MIP: variants seen among roughly 807,000 people sequenced by gnomAD.
The protein encoded by MIP is lens fiber major intrinsic protein.
In MIP, 14 loss-of-function variants were observed where a neutral mutation model predicts 21.8. The observed-to-expected ratio is 0.64, with a 90% CI of 0.42 to 1.00. The LOEUF is 1.00. Ranked by LOEUF, MIP falls within the 50% of genes least tolerant of loss-of-function variation. The pLI, the probability that MIP is intolerant of heterozygous loss-of-function variation, is 0.00. For missense variants in MIP, 260 were observed against 333.5 expected (o/e 0.78, Z 1.72); for synonymous variants, 133 against 141.4 (o/e 0.94, Z 0.42).
At position 56,454,404 on chromosome 12, in the gene MIP, T is replaced by C. The variant is rs1176813850; in HGVS notation, c.210A>G (p.Ala70=). Residue 70 remains alanine, a synonymous_variant, in exon 1 of 4, where the codon GCA becomes GCG. Coordinates refer to ENST00000652304, the MANE Select transcript of MIP (RefSeq NM_012064.4). ...AGCCCACAAGGAAAGCAAAAGTGAC[T>C]GCAGGATTGACGTGGGCTCCACTGA... ...GHISGAHVNP[A]VTFAFLVGSQ... 1 of 1,614,134 alleles carries C rather than the reference T, an allele frequency of 6.2e-7. No homozygotes were observed. Among genetic ancestry groups the C allele is most frequent in the African/African-American group, 1.3e-5 (1 of 75,052 alleles).
At position 56,451,061 on chromosome 12, in the gene MIP, G is replaced by A; in HGVS notation, c.*219C>T. On this transcript the variant is annotated 3_prime_UTR_variant, in exon 4 of 4. Coordinates refer to ENST00000652304, the MANE Select transcript of MIP (RefSeq NM_012064.4). ...CAGCACACACGGCGAAGGGTGGTGG[G>A]ATGGGGAGGAAGGGAAGTTTGCACC... The A allele has an allele frequency of 5.3e-6, 3 of 563,388 alleles. No individual in the cohort carries two copies. The highest frequency in any genetic ancestry group is 9.5e-6 in the Non-Finnish European group (3 of 316,282). 34.9% of individuals were successfully genotyped at this position (563,388 alleles called of 1,614,324 possible).
chr12:56,453,958 A>G (rs1328652546), intron 1 of MIP, among the ~76,000 whole-genome samples: 1 of 152,206 alleles, frequency 6.6e-6, no homozygotes, highest in Non-Finnish European at 1.5e-5. Flanking sequence ...AGCCACTTAC[A>G]TGTATGAGGA....
chr12:56,452,892 C>T (rs1868663286), intron 3 of MIP, 180 bp downstream of exon 3: 2 of 655,996 alleles, frequency 3.0e-6, no homozygotes, highest in Non-Finnish European at 5.6e-6. Context: ...AGAGCCTCTC[C>T]TTCTAGCAAA....
In MIP at chr12:56,453,060, C is replaced by G; in HGVS notation, c.606+12G>C. On this transcript the variant is annotated intron_variant, in intron 3 of 3. Coordinates refer to ENST00000652304, the MANE Select transcript of MIP (RefSeq NM_012064.4). ...AAGGGCTTCAGGATCTTGCCCCTCT[C>G]CCTTCACTCACCCAGTGGTTAGTGA... 6.3e-7 allele frequency: 1 copy of G among 1,589,302 alleles called. No individual in the cohort carries two copies. Among genetic ancestry groups the G allele is most frequent in the South Asian group, 1.1e-5 (1 of 90,612 alleles).
chr12:56,455,617 G>A (rs190725141), upstream of MIP, among the ~76,000 whole-genome samples: 64 of 152,234 alleles, frequency 4.2e-4, no homozygotes, highest in East Asian at 9.5e-3. Context: ...GGAAACAGCC[G>A]ATCAAAGAGA....
rs1233545010 is a variant in MIP, at chr12:56,453,165, C to A, written c.526-13G>T. The A allele has an allele frequency of 1.3e-6, 2 of 1,596,866 alleles. No homozygotes were observed. Among genetic ancestry groups the A allele is most frequent in the South Asian group, 2.2e-5 (2 of 90,740 alleles). On this transcript the variant is annotated splice_polypyrimidine_tract_variant and intron_variant, in intron 2 of 3. Coordinates refer to ENST00000652304, the MANE Select transcript of MIP (RefSeq NM_012064.4). ...CAGTATAATACATCTGCAAAAGAGA[C>A]AGTTGTAACTGAGACACCCCCCTAC... is the stretch of plus-strand genomic sequence containing the variant.
At chr12:56,452,579 A>G (rs760400022) in intron 3 of MIP, 2 of 189,726 alleles carry the variant, frequency 1.1e-5, no homozygotes, top group African/African-American at 2.3e-5. Context: ...CTTACTTTAT[A>G]TCAGATTCTG....
At chr12:56,455,241 C>T (rs1868757133), upstream of MIP, among the ~76,000 whole-genome samples, 5 of 152,072 alleles carry the variant, frequency 3.3e-5, no homozygotes, top group South Asian at 1.0e-3. Context: ...AGTTCTGCTG[C>T]GTCTGGCTTT....
chr12:56,452,700 C>T lies in MIP; in HGVS notation c.606+372G>A, dbSNP rs572688111. On this transcript the variant is annotated intron_variant, in intron 3 of 3. Transcript: ENST00000652304. ...ATTTGCCCATGGTCACACACAAAGCCGATAACGTATTAGAACTGGAATGGG... is the reference window on the plus strand; with the variant it reads ...ATTTGCCCATGGTCACACACAAAGCTGATAACGTATTAGAACTGGAATGGG... 3.2e-4 allele frequency: 99 copies of T among 310,056 alleles called. 2 individuals carry two copies. Among genetic ancestry groups the T allele is most frequent in the African/African-American group, 1.8e-3 (86 of 46,746 alleles). 19.2% of individuals were successfully genotyped at this position (310,056 alleles called of 1,614,324 possible).
chr12:56,454,704 C>A, upstream of MIP: 1 of 1,540,690 alleles, frequency 6.5e-7, no homozygotes, highest in Non-Finnish European at 8.9e-7. Flanking sequence ...CTCTTAATCC[C>A]TGGGAGGGGC....
chr12:56,451,173 A>G lies in MIP; in HGVS notation c.*107T>C. ...CAACCACATACATAAGTTAAAAAAT[A>G]AAGAAGTACATGACCCTCCCCACAG... On this transcript the variant is annotated 3_prime_UTR_variant, in exon 4 of 4. Coordinates refer to ENST00000652304, the MANE Select transcript of MIP (RefSeq NM_012064.4). 2 of 910,316 alleles carry G rather than the reference A, an allele frequency of 2.2e-6. No homozygotes were observed. The highest frequency in any genetic ancestry group is 1.7e-6 in the Non-Finnish European group (1 of 579,220). The allele number at this position is 910,316 out of a possible 1,614,324, so 56.4% of individuals were successfully genotyped here. A position where few individuals can be genotyped will look rare whatever the true frequency, so the allele number is the denominator to read the frequency against.
rs761428273 is a variant in MIP at position 56,454,511 on chromosome 12, C to T, written c.103G>A (p.Ala35Thr). The T allele has an allele frequency of 1.9e-6, 3 of 1,612,956 alleles. No homozygotes were observed. Among genetic ancestry groups the T allele is most frequent in the Non-Finnish European group, 8.5e-7 (1 of 1,179,316 alleles). ...FFGLGSSLRW[A>T]PGPLHVLQVA... ...TGCAGAACATGCAGGGGTCCAGGAGCCCAGCGCAGTGAGGACCCCAGCCCA... is the reference window on the plus strand; with the variant it reads ...TGCAGAACATGCAGGGGTCCAGGAGTCCAGCGCAGTGAGGACCCCAGCCCA... Residue 35 changes from alanine (A) to threonine (T), a missense_variant, in exon 1 of 4, where the codon GCT (alanine) becomes ACT (threonine). By Grantham distance (58) the Ala-to-Thr change is moderately conservative. Coordinates refer to ENST00000652304, the MANE Select transcript of MIP (RefSeq NM_012064.4).
intron 1 of MIP, 105 bp from the exon 2 acceptor site, chr12:56,453,860 G>T: frequency 8.5e-7 from 1 of 1,173,384 alleles, no homozygotes. Context: ...GGTCCGTGGA[G>T]AGGAAGGATA....
rs999369668 is a variant in MIP, at chr12:56,449,850, C to T, written c.*1430G>A. 8.5e-5 allele frequency: 13 copies of T among 152,078 alleles called. No homozygotes were observed. Among genetic ancestry groups the T allele is most frequent in the African/African-American group, 3.1e-4 (13 of 41,400 alleles). The allele number at this position is 152,078 out of a possible 1,614,324, so 9.4% of individuals were successfully genotyped here. ...TGAACAGTTGAGGGTCTCTTCTGGC[C>T]TCTGCTGAGATGATCTTGCCAAAAG... On this transcript the variant is annotated 3_prime_UTR_variant, in exon 4 of 4. Transcript: ENST00000652304.
rs1487063017 is a variant in MIP, at chr12:56,451,261, C to G, written c.*19G>C. The stretch of plus-strand genomic sequence containing the variant: ...CGTAAACTCAGAAGCTTTCTACTCC[C>G]TCTATTCAGCTGGAGCTTCTACAGG... On this transcript the variant is annotated 3_prime_UTR_variant, in exon 4 of 4. Coordinates refer to ENST00000652304, the MANE Select transcript of MIP (RefSeq NM_012064.4). 1 of 1,612,236 alleles carries G rather than the reference C, an allele frequency of 6.2e-7. No homozygotes were observed. The highest frequency in any genetic ancestry group is 2.2e-5 in the East Asian group (1 of 44,884).
upstream of MIP, among the ~76,000 whole-genome samples, chr12:56,454,884 G>A (rs1868747751): frequency 1.3e-5 from 2 of 152,166 alleles, no homozygotes; most frequent in African/African-American, 4.8e-5. Flanking sequence ...GAGAGACTAC[G>A]AGAAGTGGGG....
rs1447480953 is a variant in MIP at position 56,454,260 on chromosome 12, G to C, written c.354C>G (p.Leu118=). The change falls in exon 1 of 4, where the codon CTC becomes CTG. Residue 118 remains leucine (L), a synonymous_variant. Transcript: ENST00000652304. Reference sequence around the variant, plus strand: ...CCTCTCAGCCAACCATTACCGTGTTGAGTGCTAGGTTTCCTCGGACAGCAG... The same window carrying C: ...CCTCTCAGCCAACCATTACCGTGTTCAGTGCTAGGTTTCCTCGGACAGCAG... ...TPPAVRGNLA[L]NTLHPAVSVG... 6 of 1,613,960 alleles carry C rather than the reference G, an allele frequency of 3.7e-6. No homozygotes were observed. Among genetic ancestry groups the C allele is most frequent in the Non-Finnish European group, 5.1e-6 (6 of 1,180,032 alleles).
In MIP at chr12:56,453,090, C is replaced by A. The variant is rs761005202; in HGVS notation, c.588G>T (p.Gly196=). Residue 196 remains glycine (G), a synonymous_variant, in exon 3 of 4, where the codon GGG becomes GGT. Transcript: ENST00000652304. ...CACTCACCCAGTGGTTAGTGAAGTT[C>A]CCAGTGAGAATGGCAGGAGCAAAGG... ...ARSFAPAILT[G]NFTNHWVYWV... 2 of 1,612,606 alleles carry A rather than the reference C, an allele frequency of 1.2e-6. No individual in the cohort carries two copies. Among genetic ancestry groups the A allele is most frequent in the South Asian group, 1.1e-5 (1 of 91,048 alleles).
chr12:56,453,641 A>G lies in MIP; in HGVS notation c.475T>C (p.Ser159Pro), dbSNP rs1291876973. ...YDERRNGQLG[S>P]VALAVGFSLA... is the part of the protein sequence containing the mutation. The stretch of plus-strand genomic sequence containing the variant: ...GAGAAGCCAACGGCCAGGGCCACGG[A>G]GCCCAGTTGGCCATTCCGCCTCTCG... The change falls in exon 2 of 4, where the codon TCC (serine) becomes CCC (proline). Residue 159 changes from serine to proline, a missense_variant. By Grantham distance (74) the Ser-to-Pro change is moderately conservative. Coordinates refer to ENST00000652304, the MANE Select transcript of MIP (RefSeq NM_012064.4). 1 of 1,614,120 alleles carries G rather than the reference A, an allele frequency of 6.2e-7. No individual in the cohort carries two copies. Among genetic ancestry groups the G allele is most frequent in the African/African-American group, 1.3e-5 (1 of 74,938 alleles).
Sources: allele counts gnomAD v4.1 joint callset (sites outside exome capture counted in the v4.1 genomes callset), GRCh38; gene constraint gnomAD v4.1.1; transcripts MANE v1.5; gene names NCBI Gene and HGNC (gene_info 2026-07-23, HGNC 2026-07-21).